The following MUC5B variants were observed in gnomAD, a reference collection of about 807,000 sequenced individuals.
The protein encoded by MUC5B is mucin 5B, oligomeric mucus/gel-forming.
A neutral mutation model predicts 376.9 loss-of-function variants in MUC5B; 116 were observed. The ratio of observed to expected loss-of-function variants is 0.31; its 90% CI spans 0.26 to 0.36. The LOEUF (loss-of-function observed/expected upper bound fraction) is 0.36, where lower values mean the gene tolerates loss of function less well. Ranked by LOEUF, MUC5B falls within the 10% of genes least tolerant of loss-of-function variation. The pLI is 1.00. For synonymous variants in MUC5B, 3,517 were observed against 3,390.9 expected (o/e 1.04, Z -1.29); for missense variants, 7,165 against 7,769.9 (o/e 0.92, Z 2.93).
At position 1,261,797 on chromosome 11, in the gene MUC5B, T is replaced by C. The variant is rs1338056462; in HGVS notation, c.*189T>C. On this transcript the variant is annotated 3_prime_UTR_variant, in exon 49 of 49. Transcript: ENST00000529681. ...AGGGTGAGGGGCCAGCAGGACCCCT[T>C]TCGGGAGGGCGCCACTCAGGAGTCC... 1.4e-6 allele frequency: 1 copy of C among 713,566 alleles called. No individual in the cohort carries two copies. Among genetic ancestry groups the C allele is most frequent in the Admixed American group, 2.0e-5 (1 of 49,714 alleles). The allele number at this position is 713,566 out of a possible 1,614,324, so 44.2% of individuals were successfully genotyped here.
rs778634601 is a variant in MUC5B at position 1,234,604 on chromosome 11, G to A, written c.2554G>A (p.Glu852Lys). 27 of 1,566,634 alleles carry A rather than the reference G, an allele frequency of 1.7e-5. No individual in the cohort carries two copies. The African/African-American group carries it at 1.8e-4, about 10-fold the overall frequency. ...GGATGGGAGTGGGGGCTGCATTGCC[G>A]AGGAGGACTGCCCCTGTGTGCACAA... ...VSDGSGGCIA[E>K]EDCPCVHNEA... Residue 852 changes from glutamate (E) to lysine (K), a missense_variant, in exon 21 of 49, where the codon GAG becomes AAG. Physicochemically the swap from Glu to Lys is moderately conservative, Grantham distance 56. Coordinates refer to ENST00000529681, the MANE Select transcript of MUC5B (RefSeq NM_002458.3). The surrounding 1 kb of genome is among the most constrained non-coding windows in gnomAD (Gnocchi z 6.3).
In MUC5B at chr11:1,243,230, T is replaced by C. The variant is rs1459710964; in HGVS notation, c.6350T>C (p.Met2117Thr). The C allele has an allele frequency of 3.8e-6, 6 of 1,565,144 alleles. No individual in the cohort carries two copies. The African/African-American group carries it at 4.1e-5, about 11-fold the overall frequency. Residue 2117 changes from methionine (M) to threonine (T), a missense_variant, in exon 31 of 49, where the codon ATG becomes ACG. Transcript: ENST00000529681. ...ACCACAACTGTGGCCACTGGTTCTA[T>C]GGCAACACCCTCCTCTAGCACACAG... Reference protein sequence around the residue: ...TTTTTVATGSMATPSSSTQTS... With the variant: ...TTTTTVATGSTATPSSSTQTS...
intron 45 of MUC5B, 50 bp downstream of exon 45, chr11:1,259,892 C>T (rs747525536): frequency 5.0e-5 from 80 of 1,611,880 alleles, no homozygotes; most frequent in Non-Finnish European, 6.4e-5. Context: ...CCCTGGAGAC[C>T]CTCACCCCCA....
rs375932683 is a variant in MUC5B, at chr11:1,254,835, C to T, written c.15619C>T (p.Arg5207Trp). Residue 5207 changes from arginine (R) to tryptophan (W), a missense_variant, in exon 35 of 49, where the codon CGG becomes TGG. Around this residue, in one of 31 missense-constraint regions of MUC5B, gnomAD observed 842 missense variants for 1,016.9 expected, o/e 0.83. Coordinates refer to ENST00000529681, the MANE Select transcript of MUC5B (RefSeq NM_002458.3). ...VTFNGQVFQA[R>W]LPYSLFHNNT... ...CTTCAATGGCCAAGTCTTCCAGGCCCGGCTGCCCTACAGCCTCTTCCACAA... is the reference window on the plus strand; with the variant it reads ...CTTCAATGGCCAAGTCTTCCAGGCCTGGCTGCCCTACAGCCTCTTCCACAA... 33 of 1,612,340 alleles carry T rather than the reference C, an allele frequency of 2.0e-5. No homozygotes were observed. Among genetic ancestry groups the T allele is most frequent in the East Asian group, 2.0e-4 (9 of 44,892 alleles).
intron 14 of MUC5B, 53 bp from the exon 15 acceptor site, chr11:1,231,943 G>T: frequency 1.2e-6 from 2 of 1,608,206 alleles, no homozygotes; most frequent in Non-Finnish European, 1.7e-6. Flanking sequence ...CAGGGGCCAG[G>T]AGCCAGGTGG....
rs766618080 is a variant in MUC5B at position 1,240,289 on chromosome 11, T to G, written c.3884T>G (p.Ile1295Ser). Residue 1295 changes from isoleucine (I) to serine (S), a missense_variant, in exon 30 of 49, where the codon ATC becomes AGC. Ile to Ser is a moderately radical substitution (Grantham distance 142). Around this residue, in one of 31 missense-constraint regions of MUC5B, gnomAD observed 517 missense variants for 545.3 expected, o/e 0.95. Coordinates refer to ENST00000529681, the MANE Select transcript of MUC5B (RefSeq NM_002458.3). Reference protein sequence around the residue: ...LIAICGSNGTIIRKAVACPGT... With the variant: ...LIAICGSNGTSIRKAVACPGT... ...GCCATCTGCGGAAGCAACGGCACCA[T>G]CATCAGGAAGGCTGTGGCATGTCCT... The G allele has an allele frequency of 8.1e-6, 13 of 1,613,558 alleles. No individual in the cohort carries two copies. The Admixed American group carries it at 2.2e-4, about 27-fold the overall frequency.
At chr11:1,254,501 T>C in intron 34 of MUC5B, 150 bp downstream of exon 34, 1 of 1,304,868 alleles carries the variant, frequency 7.7e-7, no homozygotes. Context: ...TGGAGCCGCC[T>C]AAGGCCGAGC....
At chr11:1,251,995 C>T (rs1405427883) in intron 31 of MUC5B, among the ~76,000 whole-genome samples, 8 of 151,678 alleles carry the variant, frequency 5.3e-5, no homozygotes, top group East Asian at 1.9e-4. Flanking sequence ...AATGCGTCCC[C>T]CTTGGCCACA....
chr11:1,231,065 ACAG>A, intron 13 of MUC5B, 60 bp downstream of exon 13: 1 of 1,493,152 alleles, frequency 6.7e-7, no homozygotes, highest in Non-Finnish European at 9.1e-7. Context: ...GGCAGCTCCC[ACAG>A]CCTGGGCAGC....
Position 1,236,407 on chromosome 11 carries a change from G to A in MUC5B, c.2902G>A (p.Glu968Lys). The A allele has an allele frequency of 1.2e-6, 2 of 1,611,844 alleles. No homozygotes were observed. Among genetic ancestry groups the A allele is most frequent in the Non-Finnish European group, 1.7e-6 (2 of 1,179,330 alleles). ...FVESYELILQEGTFKAVARGP... is the reference protein window; with the variant it reads ...FVESYELILQKGTFKAVARGP... ...GCAGAGCTACGAGCTGATCCTCCAA[G>A]AGGGGACCTTTAAGGCGGTGGCGAG... The change falls in exon 24 of 49, where the codon GAG becomes AAG. Residue 968 changes from glutamate to lysine, a missense_variant. Transcript: ENST00000529681.
intron 12 of MUC5B, 58 bp from the exon 13 acceptor site, chr11:1,230,878 T>G: frequency 1.6e-5 from 24 of 1,543,048 alleles, no homozygotes; most frequent in Non-Finnish European, 2.1e-5. Context: ...CCCCCTCATT[T>G]GAGAGTCGGG....
At chr11:1,224,276 G>A (rs908692131) in intron 1 of MUC5B, among the ~76,000 whole-genome samples, 7 of 152,146 alleles carry the variant, frequency 4.6e-5, no homozygotes, top group South Asian at 2.1e-4. Context: ...CCAGATGCAC[G>A]TCCTGTGGCC....
intron 48 of MUC5B, 94 bp from the exon 49 acceptor site, chr11:1,261,294 TG>T: frequency 8.7e-7 from 1 of 1,144,784 alleles, no homozygotes; most frequent in Non-Finnish European, 1.2e-6. Context: ...GGCGGCCGTC[TG>T]GCCCAGGACC....
At chr11:1,230,449 A>G in intron 11 of MUC5B, 41 bp from the exon 12 acceptor site, 1 of 1,521,106 alleles carries the variant, frequency 6.6e-7, no homozygotes, top group East Asian at 2.4e-5. Context: ...ACCCCACATC[A>G]TCGAGCCAGG....
At chr11:1,227,460 C>G in intron 6 of MUC5B, 62 bp downstream of exon 6, 4 of 1,342,940 alleles carry the variant, frequency 3.0e-6, no homozygotes, top group Non-Finnish European at 4.2e-6. Flanking sequence ...GAGCCACAGT[C>G]CCGGGGAGGC....
intron 2 of MUC5B, 97 bp downstream of exon 2, chr11:1,225,834 G>T: frequency 8.4e-7 from 1 of 1,194,858 alleles, no homozygotes; most frequent in Non-Finnish European, 1.2e-6. Flanking sequence ...GCAGCCATGC[G>T]TCTGACAGAG....
intron 4 of MUC5B, 37 bp from the exon 5 acceptor site, chr11:1,226,994 G>A (rs373351777): frequency 6.3e-7 from 1 of 1,587,492 alleles, no homozygotes; most frequent in South Asian, 1.1e-5. Flanking sequence ...GCAGCCAGGA[G>A]AGCGGGGCCC....
At position 1,254,155 on chromosome 11, in the gene MUC5B, G is replaced by A; in HGVS notation, c.15281G>A (p.Arg5094Gln). The change falls in exon 34 of 49, where the codon CGG becomes CAG. Residue 5094 changes from arginine to glutamine, a missense_variant. Physicochemically the swap from Arg to Gln is conservative, Grantham distance 43. Transcript: ENST00000529681. The stretch of plus-strand genomic sequence containing the variant: ...TTTGACGGCACCTCTTACACCTTCC[G>A]GGGCAACTGCACCTATGTCCTCATG... The part of the protein sequence containing the change: ...STFDGTSYTF[R>Q]GNCTYVLMRE... 3 of 1,612,920 alleles carry A rather than the reference G, an allele frequency of 1.9e-6. No homozygotes were observed. The highest frequency in any genetic ancestry group is 2.5e-6 in the Non-Finnish European group (3 of 1,179,846).
chr11:1,242,067 G>A lies in MUC5B; in HGVS notation c.5187G>A (p.Pro1729=), dbSNP rs368705951. 4.0e-5 allele frequency: 64 copies of A among 1,605,238 alleles called. No individual in the cohort carries two copies. Among genetic ancestry groups the A allele is most frequent in the Middle Eastern group, 1.6e-4 (1 of 6,070 alleles). The change falls in exon 31 of 49, where the codon CCG becomes CCA. Residue 1729 remains proline, a synonymous_variant. Transcript: ENST00000529681. ...CAATGGCAACCTCCAGAGCTCGCCC[G>A]ACAGGCACAGCCAGCACCGCTTCCA... is the stretch of plus-strand genomic sequence containing the variant. ...PTTMATSRAR[P]TGTASTASKE... is the part of the protein sequence containing the mutation.
Sources: allele counts gnomAD v4.1 joint callset (sites outside exome capture counted in the v4.1 genomes callset), GRCh38; gene constraint gnomAD v4.1.1; regional missense constraint gnomAD v4.1.1; non-coding constraint Gnocchi (gnomAD v3.1); transcripts MANE v1.5; gene names NCBI Gene and HGNC (gene_info 2026-07-23, HGNC 2026-07-21).